ARFGAP3: variants seen among roughly 807,000 people sequenced by gnomAD.
ARFGAP3 encodes the protein ADP-ribosylation factor GTPase-activating protein 3.
A neutral mutation model predicts 75.0 loss-of-function variants in ARFGAP3; 72 were observed. The observed-to-expected ratio is 0.96, with a 90% CI of 0.79 to 1.17. The LOEUF is 1.17. Among genes scored for constraint, ARFGAP3 ranks in the 50% most tolerant of loss-of-function variants. The pLI is 0.00. For missense variants in ARFGAP3, 620 were observed against 626.6 expected (o/e 0.99, Z 0.11); for synonymous variants, 221 against 217.9 (o/e 1.01, Z -0.13).
intron 11 of ARFGAP3, among the ~76,000 whole-genome samples, chr22:42,816,443 G>A (rs938080408): frequency 1.4e-5 from 2 of 147,056 alleles, no homozygotes; most frequent in African/African-American, 5.1e-5. Flanking sequence ...GCCCTCTCCA[G>A]TGAAATCACA....
chr22:42,824,478 TC>T (rs1925953133), intron 7 of ARFGAP3, among the ~76,000 whole-genome samples: 1 of 151,624 alleles, frequency 6.6e-6, no homozygotes, highest in Admixed American at 6.6e-5. Flanking sequence ...CGTCTCAGCC[TC>T]CCTAGTAGCT....
At chr22:42,811,286 T>G (rs1003294502) in intron 11 of ARFGAP3, among the ~76,000 whole-genome samples, 1 of 152,222 alleles carries the variant, frequency 6.6e-6, no homozygotes, top group Non-Finnish European at 1.5e-5. Context: ...CTTAGCTGAC[T>G]TTATGTGAAA....
At chr22:42,828,142 G>A (rs1602111828) in intron 6 of ARFGAP3, among the ~76,000 whole-genome samples, 1 of 151,640 alleles carries the variant, frequency 6.6e-6, no homozygotes, top group East Asian at 2.0e-4. Context: ...AAAGATGAGG[G>A]CCAGGTGTGG....
intron 8 of ARFGAP3, among the ~76,000 whole-genome samples, chr22:42,822,935 G>A (rs114010765): frequency 4.7e-4 from 71 of 151,790 alleles, no homozygotes; most frequent in African/African-American, 1.6e-3. Context: ...TTAGTATCCC[G>A]AGTAGCTGGG....
chr22:42,817,685 C>T lies in ARFGAP3; in HGVS notation c.941+44G>A, dbSNP rs753531840. 1.7e-5 allele frequency: 25 copies of T among 1,466,820 alleles called. No individual in the cohort carries two copies. The South Asian group carries it at 2.7e-4, about 16-fold the overall frequency. The allele number at this position is 1,466,820 out of a possible 1,614,324, so 90.9% of individuals were successfully genotyped here. ...CCAAGAAAAATCCACTGATGATTGA[C>T]ACACTGTTTTAAATTCTAACTCCAA... On this transcript the variant is annotated intron_variant, in intron 10 of 15. Transcript: ENST00000263245.
intron 1 of ARFGAP3, among the ~76,000 whole-genome samples, chr22:42,849,477 T>C (rs75867722): frequency 4.2e-5 from 4 of 95,586 alleles, no homozygotes; most frequent in Non-Finnish European, 7.5e-5. Flanking sequence ...TATGGCTTTT[T>C]TTCTTTTTTT....
intron 2 of ARFGAP3, among the ~76,000 whole-genome samples, chr22:42,845,231 G>A (rs1290227915): frequency 1.3e-5 from 2 of 152,148 alleles, no homozygotes; most frequent in African/African-American, 4.8e-5. Flanking sequence ...GATCAATCTG[G>A]AAAACAAAGT....
chr22:42,850,956 G>A (rs904606651), intron 1 of ARFGAP3, among the ~76,000 whole-genome samples: 2 of 152,248 alleles, frequency 1.3e-5, no homozygotes, highest in African/African-American at 2.4e-5. Context: ...GGGGAAGACA[G>A]ACGCGCAAAT....
Position 42,816,599 on chromosome 22 carries a change from G to C in ARFGAP3, c.1064+543C>G, listed in dbSNP as rs188848478. On this transcript the variant is annotated intron_variant, in intron 11 of 15. Transcript: ENST00000263245. Reference sequence around the variant, plus strand: ...TCTCCACAGTCAGCTTCACACTAGAGTTATGCATTTTGTCTCAATAAGATA... The same window carrying C: ...TCTCCACAGTCAGCTTCACACTAGACTTATGCATTTTGTCTCAATAAGATA... Among the ~76,000 whole-genome samples, 58 of 152,352 alleles carry C rather than the reference G, an allele frequency of 3.8e-4. No homozygotes were observed. The East Asian group carries it at 0.01, about 27-fold the overall frequency.
intron 6 of ARFGAP3, among the ~76,000 whole-genome samples, chr22:42,830,633 C>A (rs1328598894): frequency 1.3e-5 from 2 of 152,226 alleles, no homozygotes; most frequent in East Asian, 3.8e-4. Flanking sequence ...ACAGAAAGAG[C>A]TGACTACTCA....
chr22:42,818,330 A>G (rs1253848359), intron 9 of ARFGAP3, among the ~76,000 whole-genome samples: 1 of 152,182 alleles, frequency 6.6e-6, no homozygotes, highest in African/African-American at 2.4e-5. Flanking sequence ...CTTAATTGTA[A>G]AAGGATCCTT....
At chr22:42,848,717 A>G (rs5758982) in intron 1 of ARFGAP3, among the ~76,000 whole-genome samples, 2 of 151,818 alleles carry the variant, frequency 1.3e-5, no homozygotes, top group Non-Finnish European at 2.9e-5. Context: ...CAGGCTGTTG[A>G]GCATATTGCT....
intron 13 of ARFGAP3, among the ~76,000 whole-genome samples, chr22:42,807,964 C>T (rs1487936748): frequency 6.6e-6 from 1 of 151,498 alleles, no homozygotes; most frequent in Non-Finnish European, 1.5e-5. Flanking sequence ...AGGCTGGTCT[C>T]GAACTCCTGG....
chr22:42,803,964 C>T (rs3946072), intron 14 of ARFGAP3, among the ~76,000 whole-genome samples: 27,107 of 141,604 alleles, frequency 0.19, 4,108 homozygotes, highest in East Asian at 0.56. Context: ...AGTGCAGTGG[C>T]ACGATCTCAG....
chr22:42,797,527 TG>T lies in ARFGAP3; in HGVS notation c.*60del. On this transcript the variant is annotated 3_prime_UTR_variant, in exon 16 of 16. Coordinates refer to ENST00000263245, the MANE Select transcript of ARFGAP3 (RefSeq NM_014570.5). ...ATCTGGACTTCACTGCCGCCTGAGA[TG>T]TGGTTACTTGTTCATTTAAAGAGGA... 3 of 1,608,144 alleles carry T rather than the reference TG, an allele frequency of 1.9e-6. No homozygotes were observed. The highest frequency in any genetic ancestry group is 4.5e-5 in the East Asian group (2 of 44,840).
chr22:42,816,141 T>A (rs1462763792), intron 11 of ARFGAP3, among the ~76,000 whole-genome samples: 2 of 151,966 alleles, frequency 1.3e-5, no homozygotes, highest in Non-Finnish European at 2.9e-5. Context: ...CAAAAAACAT[T>A]TAGACTGAAT....
Position 42,847,500 on chromosome 22 carries a change from G to A in ARFGAP3, c.188+14C>T, listed in dbSNP as rs1023486804. The A allele has an allele frequency of 1.2e-6, 2 of 1,601,608 alleles. No homozygotes were observed. The highest frequency in any genetic ancestry group is 1.7e-6 in the Non-Finnish European group (2 of 1,169,620). On this transcript the variant is annotated intron_variant, in intron 2 of 15. Transcript: ENST00000263245. ...TGTAATCAATCTCACCCCAATGAGA[G>A]AAGATTCACTTACCGAATAAAACTC...
chr22:42,831,715 C>A, intron 5 of ARFGAP3, 79 bp from the exon 6 acceptor site: 3 of 1,593,492 alleles, frequency 1.9e-6, no homozygotes, highest in Admixed American at 1.8e-5. Context: ...ACGGGAAAAA[C>A]CTAACAATTT....
At chr22:42,838,788 A>G (rs1304471740) in intron 3 of ARFGAP3, among the ~76,000 whole-genome samples, 1 of 152,128 alleles carries the variant, frequency 6.6e-6, no homozygotes, top group African/African-American at 2.4e-5. Flanking sequence ...AATATACTGA[A>G]TTTGTAAATA....
Sources: gnomAD v4.1 joint callset for allele counts (sites outside exome capture counted in the v4.1 genomes callset) on GRCh38, gnomAD v4.1.1 for gene constraint, MANE v1.5 for transcripts, NCBI Gene and HGNC (gene_info 2026-07-23, HGNC 2026-07-21) for gene names.